PTPRT: variants seen among roughly 807,000 people sequenced by gnomAD.
The protein encoded by PTPRT is protein tyrosine phosphatase receptor type T.
PTPRT carries 56 observed loss-of-function variants against 176.8 expected under a neutral mutation model. The observed-to-expected ratio is 0.32, with a 90% CI of 0.26 to 0.40. The LOEUF is 0.40. PTPRT is among the 10% of genes least tolerant of loss of function. The pLI is 1.00. For missense variants in PTPRT, 1,540 were observed against 1,908.2 expected (o/e 0.81, Z 3.60); for synonymous variants, 783 against 739.0 (o/e 1.06, Z -0.96).
At chr20:42,842,546 A>C (rs550395424) in intron 2 of PTPRT, among the ~76,000 whole-genome samples, 1 of 151,420 alleles carries the variant, frequency 6.6e-6, no homozygotes, top group South Asian at 2.1e-4. Flanking sequence ...CCGCCCCCCG[A>C]GTAGCTGGGA....
chr20:42,418,963 GTC>G (rs1206253792), intron 9 of PTPRT, among the ~76,000 whole-genome samples: 1 of 152,214 alleles, frequency 6.6e-6, no homozygotes, highest in Non-Finnish European at 1.5e-5. Flanking sequence ...AGAGAGATTT[GTC>G]TGTTTGGTCC....
intron 12 of PTPRT, among the ~76,000 whole-genome samples, chr20:42,308,701 T>C (rs550942818): frequency 9.2e-5 from 14 of 152,330 alleles, no homozygotes; most frequent in Admixed American, 7.8e-4. Context: ...CAAGTTCACA[T>C]AGCTGAGAGC....
chr20:42,513,200 G>GT (rs1601165449), intron 7 of PTPRT, among the ~76,000 whole-genome samples: 11 of 124,218 alleles, frequency 8.9e-5, no homozygotes, highest in South Asian at 2.8e-4. Context: ...TCTATTGATG[G>GT]GGTGTGTGTG....
chr20:43,068,690 C>A (rs1293021169), intron 1 of PTPRT, among the ~76,000 whole-genome samples: 2 of 151,804 alleles, frequency 1.3e-5, no homozygotes, highest in Non-Finnish European at 2.9e-5. Context: ...GGCAGTATTG[C>A]CATGAGAGAA....
intron 2 of PTPRT, among the ~76,000 whole-genome samples, chr20:42,854,673 G>GA (rs916386925): frequency 2.0e-5 from 3 of 152,164 alleles, no homozygotes; most frequent in Admixed American, 2.0e-4. Context: ...ATCACTGGGG[G>GA]AAAAAATTCT....
chr20:42,833,285 AC>A (rs1330764117), intron 2 of PTPRT, among the ~76,000 whole-genome samples: 1 of 151,286 alleles, frequency 6.6e-6, no homozygotes, highest in Non-Finnish European at 1.5e-5. Context: ...AAAAAAAAAA[AC>A]TTGGCCAAGC....
chr20:42,623,210 G>A (rs1408986659), intron 7 of PTPRT, among the ~76,000 whole-genome samples: 2 of 152,222 alleles, frequency 1.3e-5, no homozygotes, highest in African/African-American at 4.8e-5. Context: ...GCACTGAGCT[G>A]GTTAACTTTA....
intron 9 of PTPRT, among the ~76,000 whole-genome samples, chr20:42,376,985 G>A (rs1022659452): frequency 6.6e-6 from 1 of 152,200 alleles, no homozygotes; most frequent in African/African-American, 2.4e-5. Context: ...ACACACGGGT[G>A]ATAGTTTGGA....
At chr20:42,611,897 G>C (rs2073981837) in intron 7 of PTPRT, among the ~76,000 whole-genome samples, 1 of 152,126 alleles carries the variant, frequency 6.6e-6, no homozygotes, top group Admixed American at 6.5e-5. Flanking sequence ...TGAGGCTCTT[G>C]CCTGGTCCAT....
In PTPRT at chr20:42,661,008, C is replaced by T. The variant is rs562951963; in HGVS notation, c.1153+16858G>A. ...CTGGGACTACAGACGCATGCCACCA[C>T]GCCCGTCTAATTTTTGCATTTTAGT... is the stretch of plus-strand genomic sequence containing the variant. On this transcript the variant is annotated intron_variant, in intron 7 of 30. Coordinates refer to ENST00000373187, the MANE Select transcript of PTPRT (RefSeq NM_007050.6). Among the ~76,000 whole-genome samples, 13 of 152,144 alleles carry T rather than the reference C, an allele frequency of 8.5e-5. 1 individual carries two copies. The South Asian group carries it at 1.2e-3, about 15-fold the overall frequency.
chr20:42,874,037 T>C (rs986594100), intron 2 of PTPRT, among the ~76,000 whole-genome samples: 1 of 152,168 alleles, frequency 6.6e-6, no homozygotes, highest in African/African-American at 2.4e-5. Context: ...AATGAAAGGT[T>C]CACTTGCAGG....
At chr20:42,311,735 C>CT (rs924136209) in intron 12 of PTPRT, among the ~76,000 whole-genome samples, 3 of 151,826 alleles carry the variant, frequency 2.0e-5, no homozygotes, top group Admixed American at 6.6e-5. Context: ...CATCTTCTGG[C>CT]TTTTTTTATA....
chr20:42,544,869 G>C (rs951420340), intron 7 of PTPRT, among the ~76,000 whole-genome samples: 1 of 152,144 alleles, frequency 6.6e-6, no homozygotes, highest in Non-Finnish European at 1.5e-5. Context: ...GCCCAGGCTG[G>C]TCTCGAACTT....
At chr20:42,244,793 A>G (rs2056420251) in intron 14 of PTPRT, among the ~76,000 whole-genome samples, 1 of 152,264 alleles carries the variant, frequency 6.6e-6, no homozygotes, top group Admixed American at 6.5e-5. Context: ...TGAGTGGCTA[A>G]TGAACACTTT....
intron 1 of PTPRT, among the ~76,000 whole-genome samples, chr20:42,930,705 C>T (rs1469563266): frequency 2.0e-5 from 3 of 151,988 alleles, no homozygotes; most frequent in East Asian, 3.9e-4. Context: ...GTCTTGAACT[C>T]GTAGCCTCAT....
In PTPRT at chr20:42,351,986, T is replaced by C. The variant is rs1300818617; in HGVS notation, c.1762+98A>G. The C allele has an allele frequency of 4.2e-6, 5 of 1,179,914 alleles. No homozygotes were observed. The African/African-American group carries it at 6.0e-5, about 14-fold the overall frequency. The allele number at this position is 1,179,914 out of a possible 1,614,324, so 73.1% of individuals were successfully genotyped here. ...CTGGATCGTCCTAATTCCACCCATATCACAGGGTGACAATTCAAGAAAAAT... is the reference window on the plus strand; with the variant it reads ...CTGGATCGTCCTAATTCCACCCATACCACAGGGTGACAATTCAAGAAAAAT... On this transcript the variant is annotated intron_variant, in intron 10 of 30. Coordinates refer to ENST00000373187, the MANE Select transcript of PTPRT (RefSeq NM_007050.6).
intron 9 of PTPRT, among the ~76,000 whole-genome samples, chr20:42,415,227 G>A (rs2059054030): frequency 2.0e-5 from 3 of 152,116 alleles, no homozygotes; most frequent in Admixed American, 2.0e-4. Context: ...TGTTGCTCAG[G>A]GTGGAGTGCA....
At chr20:42,289,066 G>C (rs1383874889) in intron 12 of PTPRT, among the ~76,000 whole-genome samples, 1 of 151,848 alleles carries the variant, frequency 6.6e-6, no homozygotes, top group Non-Finnish European at 1.5e-5. Context: ...GGAAAACCAG[G>C]TAACCATATG....
At chr20:42,560,850 T>C (rs2072940808) in intron 7 of PTPRT, among the ~76,000 whole-genome samples, 1 of 152,144 alleles carries the variant, frequency 6.6e-6, no homozygotes, top group South Asian at 2.1e-4. Flanking sequence ...GCTGCTAGAA[T>C]CCCAGGGGCT....
Sources: gnomAD v4.1 joint callset for allele counts (sites outside exome capture counted in the v4.1 genomes callset) on GRCh38, gnomAD v4.1.1 for gene constraint, MANE v1.5 for transcripts, NCBI Gene and HGNC (gene_info 2026-07-23, HGNC 2026-07-21) for gene names.